The following PPP2R5C variants were observed in gnomAD, a reference collection of about 807,000 sequenced individuals.
PPP2R5C encodes the protein protein phosphatase 2 regulatory subunit B'gamma, also known as serine/threonine-protein phosphatase 2A 56 kDa regulatory subunit gamma isoform.
In PPP2R5C, 7 loss-of-function variants were observed where a neutral mutation model predicts 68.9. The observed-to-expected ratio is 0.10, with a 90% CI of 0.06 to 0.19. The LOEUF is 0.19. PPP2R5C is among the 10% of genes least tolerant of loss of function. The pLI is 1.00. For missense variants in PPP2R5C, 348 were observed against 641.3 expected (o/e 0.54, Z 4.94); for synonymous variants, 210 against 222.2 (o/e 0.95, Z 0.49).
At chr14:101,859,526 G>A (rs1207247684) in intron 2 of PPP2R5C, among the ~76,000 whole-genome samples, 3 of 152,240 alleles carry the variant, frequency 2.0e-5, no homozygotes, top group African/African-American at 7.2e-5. Context: ...GTCTGGATCT[G>A]GAGGTAGAAT....
chr14:101,874,078 A>G (rs1441662335), intron 2 of PPP2R5C, among the ~76,000 whole-genome samples: 4 of 152,226 alleles, frequency 2.6e-5, no homozygotes, highest in Non-Finnish European at 4.4e-5. Flanking sequence ...CAGGGGATCT[A>G]GCAATTATTA....
intron 12 of PPP2R5C, among the ~76,000 whole-genome samples, chr14:101,914,010 A>G (rs1399440713): frequency 6.6e-6 from 1 of 152,262 alleles, no homozygotes; most frequent in Non-Finnish European, 1.5e-5. Flanking sequence ...TGTGTTGACA[A>G]ACATGGCCCA....
intron 1 of PPP2R5C, among the ~76,000 whole-genome samples, chr14:101,839,906 C>T (rs2041357996): frequency 6.6e-6 from 1 of 152,022 alleles, no homozygotes; most frequent in South Asian, 2.1e-4. Flanking sequence ...TCGGAGATGC[C>T]AGCAGTGTTC....
chr14:101,796,965 CCATT>C (rs2038641239), intron 3 of PPP2R5C: 1 of 322,588 alleles, frequency 3.1e-6, no homozygotes, highest in South Asian at 2.5e-5. Context: ...ATTATTTTAA[CCATT>C]CATAAGTGTA....
chr14:101,900,268 G>A (rs2045599990), intron 8 of PPP2R5C, among the ~76,000 whole-genome samples: 1 of 152,180 alleles, frequency 6.6e-6, no homozygotes, highest in Non-Finnish European at 1.5e-5. Context: ...AAATGCCAAA[G>A]CATCAAAACA....
rs1169610310 is a variant in PPP2R5C, at chr14:101,883,677, T to C, written c.629+115T>C. 3 of 1,360,840 alleles carry C rather than the reference T, an allele frequency of 2.2e-6. No homozygotes were observed. In the East Asian group the frequency reaches 6.9e-5, roughly 31 times the overall value. 84.3% of individuals were successfully genotyped at this position (1,360,840 alleles called of 1,614,324 possible). On this transcript the variant is annotated intron_variant, in intron 5 of 13. Coordinates refer to ENST00000334743, the Ensembl canonical transcript of PPP2R5C. ...GGACTCAGCATGTGGAGGGGGTTTCTCAAAGCCTATTTGTCATGTGCAGGT... is the reference window on the plus strand; with the variant it reads ...GGACTCAGCATGTGGAGGGGGTTTCCCAAAGCCTATTTGTCATGTGCAGGT...
At chr14:101,874,797 T>A (rs1038866402) in intron 2 of PPP2R5C, among the ~76,000 whole-genome samples, 1 of 152,210 alleles carries the variant, frequency 6.6e-6, no homozygotes, top group Non-Finnish European at 1.5e-5. Context: ...TGGAGTGCAG[T>A]GGCACGATCT....
At chr14:101,909,759 C>T in intron 11 of PPP2R5C, 69 bp downstream of exon 13, 2 of 1,163,548 alleles carry the variant, frequency 1.7e-6, no homozygotes, top group African/African-American at 1.5e-5. Context: ...ACCTCTTCCA[C>T]TGTTTTGTCC....
chr14:101,844,725 G>A (rs1329193906), intron 1 of PPP2R5C, among the ~76,000 whole-genome samples: 1 of 152,184 alleles, frequency 6.6e-6, no homozygotes, highest in African/African-American at 2.4e-5. Context: ...TTGTCTGCTG[G>A]TAAACATATT....
chr14:101,761,096 G>A (rs1365174181), upstream of PPP2R5C, among the ~76,000 whole-genome samples: 17 of 146,450 alleles, frequency 1.2e-4, no homozygotes, highest in Admixed American at 1.0e-3. Context: ...GGAGGGAAGG[G>A]AGGGGAGGCG....
At chr14:101,885,399 C>T (rs1248927373) in intron 5 of PPP2R5C, among the ~76,000 whole-genome samples, 2 of 150,926 alleles carry the variant, frequency 1.3e-5, no homozygotes, top group East Asian at 3.9e-4. Context: ...CAGCCCCGGC[C>T]TCTCCCATCC....
intron 5 of PPP2R5C, among the ~76,000 whole-genome samples, chr14:101,883,847 G>A (rs2044308572): frequency 6.6e-6 from 1 of 152,186 alleles, no homozygotes; most frequent in African/African-American, 2.4e-5. Flanking sequence ...CTACTGAAAG[G>A]TCAAGTTTCC....
At chr14:101,795,739 A>G (rs1418513379) in intron 3 of PPP2R5C, among the ~76,000 whole-genome samples, 1 of 152,252 alleles carries the variant, frequency 6.6e-6, no homozygotes, top group Non-Finnish European at 1.5e-5. Context: ...GAATTGTTTA[A>G]AATTGGCTTT....
intron 3 of PPP2R5C, among the ~76,000 whole-genome samples, chr14:101,799,779 C>G (rs1032922871): frequency 1.8e-4 from 27 of 152,244 alleles, no homozygotes; most frequent in African/African-American, 5.3e-4. Context: ...GTTCCATTTT[C>G]CATGCCTCAT....
intron 1 of PPP2R5C, chr14:101,831,681 T>C (rs1244432524): frequency 2.6e-5 from 18 of 687,550 alleles, no homozygotes; most frequent in South Asian, 2.5e-4. Flanking sequence ...TATATGTGGA[T>C]TTTTTTCAAC....
chr14:101,786,458 A>G (rs1052621727), intron 3 of PPP2R5C, among the ~76,000 whole-genome samples: 3 of 152,120 alleles, frequency 2.0e-5, no homozygotes, highest in Non-Finnish European at 4.4e-5. Context: ...CTTTTTATTT[A>G]TGGTATTAAG....
chr14:101,847,194 A>G (rs1051608751), intron 1 of PPP2R5C, among the ~76,000 whole-genome samples: 1 of 152,228 alleles, frequency 6.6e-6, no homozygotes, highest in Non-Finnish European at 1.5e-5. Flanking sequence ...TAAAAATGGT[A>G]AAAAGACAAA....
Position 101,899,627 on chromosome 14 carries a change from C to T in PPP2R5C, c.853-2092C>T, listed in dbSNP as rs1055355666. Among the ~76,000 whole-genome samples, 1 of 152,188 alleles carries T rather than the reference C, an allele frequency of 6.6e-6. No homozygotes were observed. Among genetic ancestry groups the T allele is most frequent in the South Asian group, 2.1e-4 (1 of 4,832 alleles). On this transcript the variant is annotated intron_variant, in intron 8 of 13. Transcript: ENST00000334743. This position sits in a 1 kb window ranked among gnomAD's most constrained non-coding sequence, Gnocchi z 4.2. ...GCTAAATCGGTTGTGTTGTATAGTT[C>T]ACAAATTAACATATTTCTCCTAATA...
intron 3 of PPP2R5C, among the ~76,000 whole-genome samples, chr14:101,791,534 T>G (rs1173016571): frequency 6.6e-6 from 1 of 152,212 alleles, no homozygotes; most frequent in Non-Finnish European, 1.5e-5. Context: ...AGACATAAGA[T>G]TACCCTGTTA....
Sources: allele counts gnomAD v4.1 joint callset (sites outside exome capture counted in the v4.1 genomes callset), GRCh38; gene constraint gnomAD v4.1.1; non-coding constraint Gnocchi (gnomAD v3.1); transcripts MANE v1.5; gene names NCBI Gene and HGNC (gene_info 2026-07-23, HGNC 2026-07-21).